The following SFXN5 variants were observed in gnomAD, a reference collection of about 807,000 sequenced individuals.
SFXN5 encodes the protein sideroflexin-5.
A neutral mutation model predicts 50.2 loss-of-function variants in SFXN5; 43 were observed. That is an observed-to-expected ratio of 0.86 (90% CI 0.67 to 1.11). The LOEUF is 1.11. SFXN5 is among the 50% of genes least tolerant of loss of function. SFXN5 has a pLI of 0.00. For synonymous variants in SFXN5, 203 were observed against 185.8 expected, an observed-to-expected ratio of 1.09 and a Z score of -0.75; for missense variants, 463 against 454.1, an observed-to-expected ratio of 1.02 and a Z score of -0.18.
intron 2 of SFXN5, among the ~76,000 whole-genome samples, chr2:73,046,335 G>C (rs553646747): frequency 6.7e-6 from 1 of 149,470 alleles, no homozygotes; most frequent in Non-Finnish European, 1.5e-5. Context: ...CTTGAACCCG[G>C]AAAGTGAAGG....
rs1025937015 is a variant in SFXN5, at chr2:72,988,245, G to T, written c.625+13C>A. 6.2e-7 allele frequency: 1 copy of T among 1,612,304 alleles called. No homozygotes were observed. The highest frequency in any genetic ancestry group is 1.3e-5 in the African/African-American group (1 of 74,894). On this transcript the variant is annotated intron_variant, in intron 10 of 13. Transcript: ENST00000272433. ...CACCCACAGCACACATCTATGTGGT[G>T]TGCAGGTCTTACCTACAGCAGGGAA... is the stretch of plus-strand genomic sequence containing the variant.
chr2:73,047,269 T>TAC (rs1433865168), intron 2 of SFXN5, among the ~76,000 whole-genome samples: 2 of 76,898 alleles, frequency 2.6e-5, no homozygotes, highest in Non-Finnish European at 4.7e-5. Flanking sequence ...TATATATATA[T>TAC]ATATATACAC....
At chr2:73,016,670 C>T (rs527438119) in intron 6 of SFXN5, among the ~76,000 whole-genome samples, 1 of 152,282 alleles carries the variant, frequency 6.6e-6, no homozygotes, top group East Asian at 1.9e-4. Context: ...TGCCACTGCG[C>T]TCCAGCCTGG....
chr2:73,048,108 A>C (rs1680753786), intron 2 of SFXN5, among the ~76,000 whole-genome samples: 1 of 152,246 alleles, frequency 6.6e-6, no homozygotes, highest in African/African-American at 2.4e-5. Flanking sequence ...TTGCTATATA[A>C]CCATGTATGA....
intron 3 of SFXN5, among the ~76,000 whole-genome samples, chr2:73,025,513 A>G (rs1243310716): frequency 6.6e-6 from 1 of 152,254 alleles, no homozygotes; most frequent in Middle Eastern, 3.2e-3. Context: ...CGGTGAAGCC[A>G]ATGCACAGTG....
intron 10 of SFXN5, among the ~76,000 whole-genome samples, chr2:72,976,713 G>C (rs1462322457): frequency 6.6e-6 from 1 of 152,214 alleles, no homozygotes; most frequent in African/African-American, 2.4e-5. Context: ...TATTGAATGT[G>C]TAAGTGAATA....
At chr2:72,972,914 TG>T (rs997398884) in intron 10 of SFXN5, among the ~76,000 whole-genome samples, 14 of 150,804 alleles carry the variant, frequency 9.3e-5, no homozygotes, top group African/African-American at 2.4e-4. Context: ...CTCCTTCCAG[TG>T]GGGGGGGCCA....
rs1434505518 is a variant in SFXN5 at position 72,956,358 on chromosome 2, T to A, written c.945+4773A>T. Among the ~76,000 whole-genome samples the A allele has an allele frequency of 2.0e-5, 3 of 152,232 alleles. No homozygotes were observed. In the East Asian group the frequency reaches 5.8e-4, roughly 29 times the overall value. On this transcript the variant is annotated intron_variant, in intron 13 of 13. Transcript: ENST00000272433. ...GCCCAGCCCCTTCCTCAGCTCTGGG[T>A]TGGAAAAGACATAAACACTGATTCC...
intron 7 of SFXN5, 67 bp downstream of exon 7, chr2:73,001,458 G>A: frequency 6.5e-7 from 1 of 1,543,670 alleles, no homozygotes; most frequent in South Asian, 1.1e-5. Context: ...CACCACAGCA[G>A]GGAGTTCTTA....
chr2:72,968,798 C>T (rs1044984820), intron 11 of SFXN5, among the ~76,000 whole-genome samples: 2 of 150,002 alleles, frequency 1.3e-5, no homozygotes, highest in African/African-American at 2.5e-5. Flanking sequence ...TCCTCTCTCT[C>T]TCTTTCTTTC....
intron 8 of SFXN5, 112 bp from the exon 9 acceptor site, chr2:72,999,126 G>A: frequency 1.5e-5 from 18 of 1,173,958 alleles, no homozygotes; most frequent in Non-Finnish European, 2.0e-5. Context: ...CCTGGAAAGT[G>A]GGTAGAAGGA....
chr2:72,957,163 G>T, intron 13 of SFXN5: 2 of 439,530 alleles, frequency 4.6e-6, no homozygotes, highest in African/African-American at 2.0e-5. Context: ...TGAAGGTTCC[G>T]TATCTCCAGC....
intron 10 of SFXN5, among the ~76,000 whole-genome samples, chr2:72,977,117 G>T (rs377504403): frequency 1.3e-5 from 2 of 152,304 alleles, no homozygotes; most frequent in South Asian, 2.1e-4. Context: ...GGCAGGCAGA[G>T]CCTCTTGTCC....
chr2:72,993,468 C>T (rs935326604), intron 9 of SFXN5, among the ~76,000 whole-genome samples: 2 of 152,138 alleles, frequency 1.3e-5, no homozygotes, highest in Non-Finnish European at 2.9e-5. Flanking sequence ...CAACAGTGAC[C>T]AATCCTGACC....
intron 3 of SFXN5, among the ~76,000 whole-genome samples, chr2:73,031,131 C>T (rs1450546817): frequency 6.6e-6 from 1 of 152,212 alleles, no homozygotes; most frequent in African/African-American, 2.4e-5. Context: ...ATTGTGTTGT[C>T]CATAGTCATA....
intron 11 of SFXN5, among the ~76,000 whole-genome samples, chr2:72,969,787 G>T (rs1674934948): frequency 1.3e-5 from 2 of 151,552 alleles, no homozygotes; most frequent in Non-Finnish European, 2.9e-5. Context: ...TCAGTGACAA[G>T]AAGTTGGTTC....
At chr2:73,036,911 C>T (rs1574189242) in intron 3 of SFXN5, among the ~76,000 whole-genome samples, 1 of 152,224 alleles carries the variant, frequency 6.6e-6, no homozygotes, top group African/African-American at 2.4e-5. Context: ...CCTGCCCTCC[C>T]GGCTGACGGC....
chr2:72,976,961 C>T (rs894562956), intron 10 of SFXN5, among the ~76,000 whole-genome samples: 3 of 152,192 alleles, frequency 2.0e-5, no homozygotes, highest in Non-Finnish European at 4.4e-5. Context: ...TCTACCCCCG[C>T]CCGAGATTAA....
intron 13 of SFXN5, among the ~76,000 whole-genome samples, chr2:72,959,999 A>G (rs1484406471): frequency 6.6e-6 from 1 of 152,008 alleles, no homozygotes; most frequent in Non-Finnish European, 1.5e-5. Context: ...ACCTCTCAGG[A>G]GGGTCTGACC....
Sources: allele counts gnomAD v4.1 joint callset (sites outside exome capture counted in the v4.1 genomes callset), GRCh38; gene constraint gnomAD v4.1.1; transcripts MANE v1.5; gene names NCBI Gene and HGNC (gene_info 2026-07-23, HGNC 2026-07-21).